Variants in GRIK3 observed in about 807,000 individuals in gnomAD.
GRIK3 encodes the protein glutamate ionotropic receptor kainate type subunit 3.
Under a neutral mutation model 102.5 loss-of-function variants are expected in GRIK3, and 29 were observed. The observed-to-expected ratio is 0.28, with a 90% confidence interval of 0.21 to 0.39. The LOEUF (loss-of-function observed/expected upper bound fraction) is 0.39. Among genes scored for constraint, GRIK3 ranks in the 10% least tolerant of loss-of-function variants. The probability of loss-of-function intolerance (pLI) is 1.00; values close to 1 mark genes in which losing one functional copy is unlikely to be tolerated. For synonymous variants in GRIK3, 511 were observed against 504.9 expected (o/e 1.01, Z -0.16); for missense variants, 908 against 1,252.4 (o/e 0.73, Z 4.15).
At position 36,937,673 on chromosome 1, in the gene GRIK3, A is replaced by G. The variant is rs562612311; in HGVS notation, c.116-46577T>C. Among the ~76,000 whole-genome samples the G allele has an allele frequency of 3.3e-5, 5 of 152,286 alleles. No individual in the cohort carries two copies. The South Asian group carries it at 1.0e-3, about 32-fold the overall frequency. On this transcript the variant is annotated intron_variant, in intron 1 of 15. Coordinates refer to ENST00000373091, the MANE Select transcript of GRIK3 (RefSeq NM_000831.4). ...TGGAATTGACAATCTAGTTGAGGAA[A>G]TAAGTAAGACTCAAAAGAAAAAAAA... is the stretch of plus-strand genomic sequence containing the variant.
In GRIK3 at chr1:36,985,798, CCA is replaced by C. The variant is rs1483484980; in HGVS notation, c.115+48194_115+48195del. On this transcript the variant is annotated intron_variant, in intron 1 of 15. Transcript: ENST00000373091. ...TTCCTGCCACTCCCCAGAACTCCTG[CCA>C]CAGAGTTGTGTGTGGGCTCCCCGTC... is the stretch of plus-strand genomic sequence containing the variant. 4.6e-5 allele frequency among the ~76,000 whole-genome samples: 7 copies of C among 152,322 alleles called. No individual in the cohort carries two copies. The East Asian group carries it at 1.4e-3, about 29-fold the overall frequency.
At chr1:36,832,133 A>G (rs1640309072) in intron 10 of GRIK3, among the ~76,000 whole-genome samples, 1 of 152,106 alleles carries the variant, frequency 6.6e-6, no homozygotes, top group Non-Finnish European at 1.5e-5. Flanking sequence ...CACTGATCAC[A>G]GTTGTGATTT....
chr1:36,862,182 A>C (rs913362934), intron 5 of GRIK3, among the ~76,000 whole-genome samples: 4 of 152,168 alleles, frequency 2.6e-5, no homozygotes, highest in Non-Finnish European at 5.9e-5. Context: ...GCTGAATGTT[A>C]GCATTTCTTC....
intron 1 of GRIK3, among the ~76,000 whole-genome samples, chr1:37,032,376 T>C (rs927055312): frequency 6.6e-6 from 1 of 151,732 alleles, no homozygotes. Context: ...GATGGGCAAA[T>C]AGCACCCTCT....
intron 2 of GRIK3, among the ~76,000 whole-genome samples, chr1:36,889,673 T>A (rs963527326): frequency 6.6e-6 from 1 of 152,132 alleles, no homozygotes; most frequent in Non-Finnish European, 1.5e-5. Context: ...TATAATTTCC[T>A]GGAGGAAGTA....
At chr1:37,004,322 A>G (rs1325357425) in intron 1 of GRIK3, among the ~76,000 whole-genome samples, 2 of 152,212 alleles carry the variant, frequency 1.3e-5, no homozygotes, top group African/African-American at 4.8e-5. Flanking sequence ...TATCAAATGG[A>G]AAACTGCATA....
chr1:36,825,428 T>C (rs1642744873), intron 11 of GRIK3, among the ~76,000 whole-genome samples, 175 bp downstream of exon 11: 1 of 152,136 alleles, frequency 6.6e-6, no homozygotes, highest in South Asian at 2.1e-4. Context: ...GGCCAAGGCA[T>C]GGAATGTTCC....
intron 10 of GRIK3, 99 bp from the exon 11 acceptor site, chr1:36,825,925 G>A (rs1361510878): frequency 4.7e-6 from 4 of 848,112 alleles, no homozygotes; most frequent in Non-Finnish European, 7.4e-6. Flanking sequence ...GGTGAAGTCA[G>A]TTGTCCCAGC....
At chr1:37,030,358 G>A (rs189205305) in intron 1 of GRIK3, among the ~76,000 whole-genome samples, 314 of 152,280 alleles carry the variant, frequency 2.1e-3, no homozygotes, top group African/African-American at 7.2e-3. Context: ...CCAGTCATAG[G>A]AGTTACAGAT....
At chr1:37,033,112 A>G (rs957566121) in intron 1 of GRIK3, among the ~76,000 whole-genome samples, 4 of 152,192 alleles carry the variant, frequency 2.6e-5, no homozygotes, top group African/African-American at 4.8e-5. Flanking sequence ...GGCCCGGGAC[A>G]TGCGCGGCGC....
intron 2 of GRIK3, among the ~76,000 whole-genome samples, chr1:36,886,186 G>A (rs548878482): frequency 1.3e-4 from 20 of 152,246 alleles, no homozygotes; most frequent in African/African-American, 4.6e-4. Flanking sequence ...TTTTAACAGG[G>A]AAAGGCCCCC....
chr1:36,901,947 T>A (rs541982813), intron 1 of GRIK3, among the ~76,000 whole-genome samples: 1 of 152,102 alleles, frequency 6.6e-6, no homozygotes, highest in Admixed American at 6.5e-5. Flanking sequence ...AATGAACAAA[T>A]GGAATTTGAA....
At position 36,853,726 on chromosome 1, in the gene GRIK3, C is replaced by T. The variant is rs74064787; in HGVS notation, c.1105-4G>A. On this transcript the variant is annotated splice_polypyrimidine_tract_variant and splice_region_variant and intron_variant, in intron 7 of 15. Coordinates refer to ENST00000373091, the MANE Select transcript of GRIK3 (RefSeq NM_000831.4). ...CAGTTAATCCTTCCCATTGAGCCTG[C>T]GGAGGGGAGAGGGCAGAGCGGCAAT... 1,314 of 1,563,306 alleles carry T rather than the reference C, an allele frequency of 8.4e-4. 13 individuals are homozygous for T. The African/African-American group carries it at 0.013, about 16-fold the overall frequency.
intron 9 of GRIK3, among the ~76,000 whole-genome samples, chr1:36,845,002 T>A (rs1189155738): frequency 6.6e-6 from 1 of 152,150 alleles, no homozygotes; most frequent in Non-Finnish European, 1.5e-5. Context: ...AATCTATACA[T>A]CTCCATATAA....
At chr1:36,952,570 G>T (rs970061922) in intron 1 of GRIK3, among the ~76,000 whole-genome samples, 11 of 152,324 alleles carry the variant, frequency 7.2e-5, no homozygotes, top group South Asian at 2.1e-4. Context: ...GTTACATAAT[G>T]CAATCCTTCA....
chr1:37,010,185 A>T (rs2124052449), intron 1 of GRIK3, among the ~76,000 whole-genome samples: 1 of 152,318 alleles, frequency 6.6e-6, no homozygotes, highest in East Asian at 1.9e-4. Flanking sequence ...GACCTTGGAC[A>T]CGTCACCCAA....
At chr1:36,859,458 C>T (rs952606736) in intron 6 of GRIK3, among the ~76,000 whole-genome samples, 1 of 152,138 alleles carries the variant, frequency 6.6e-6, no homozygotes, top group Non-Finnish European at 1.5e-5. Flanking sequence ...ATCCTGAGCA[C>T]CCCCCTCTGC....
intron 10 of GRIK3, among the ~76,000 whole-genome samples, chr1:36,836,537 CAG>C (rs1175061244): frequency 2.6e-5 from 4 of 152,358 alleles, no homozygotes; most frequent in African/African-American, 9.6e-5. Flanking sequence ...GGTCTGCACT[CAG>C]TGTTACTGGG....
At chr1:36,898,480 A>T (rs935718583) in intron 1 of GRIK3, among the ~76,000 whole-genome samples, 1 of 152,200 alleles carries the variant, frequency 6.6e-6, no homozygotes, top group South Asian at 2.1e-4. Flanking sequence ...CCCACAAAAA[A>T]TAAAATTTAA....
Sources: gnomAD v4.1 joint callset for allele counts (sites outside exome capture counted in the v4.1 genomes callset) on GRCh38, gnomAD v4.1.1 for gene constraint, MANE v1.5 for transcripts, NCBI Gene and HGNC (gene_info 2026-07-23, HGNC 2026-07-21) for gene names.